Variants in ADAM12 observed in about 807,000 individuals in gnomAD.
ADAM12 encodes disintegrin and metalloproteinase domain-containing protein 12.
ADAM12 carries 70 observed loss-of-function variants against 106.4 expected under a neutral mutation model. The observed-to-expected ratio is 0.66, with a 90% CI of 0.54 to 0.80. The LOEUF (loss-of-function observed/expected upper bound fraction) is 0.80, where lower values mean the gene tolerates loss of function less well. Ranked by LOEUF, ADAM12 falls within the 30% of genes least tolerant of loss-of-function variation. ADAM12 has a pLI of 0.00. For missense variants in ADAM12, 1,010 were observed against 1,171.9 expected, an observed-to-expected ratio of 0.86 and a Z score of 2.02; for synonymous variants, 420 against 433.5, an observed-to-expected ratio of 0.97 and a Z score of 0.39.
chr10:126,031,001 G>A (rs1234907412), intron 21 of ADAM12, among the ~76,000 whole-genome samples: 3 of 152,200 alleles, frequency 2.0e-5, no homozygotes, highest in Admixed American at 2.0e-4. Context: ...CCTGGGATCA[G>A]TCTATGCCTT....
chr10:126,024,435 C>A (rs913082686), intron 21 of ADAM12, among the ~76,000 whole-genome samples: 3 of 152,012 alleles, frequency 2.0e-5, no homozygotes, highest in Non-Finnish European at 4.4e-5. Context: ...TAACTTCAAT[C>A]TTTGGGCTAA....
chr10:126,069,488 C>G (rs1015482593), intron 12 of ADAM12, among the ~76,000 whole-genome samples: 1 of 152,216 alleles, frequency 6.6e-6, no homozygotes, highest in African/African-American at 2.4e-5. Context: ...TTGTAATAAT[C>G]AAAGCTACCC....
At chr10:126,124,293 T>G (rs1052279959) in intron 5 of ADAM12, among the ~76,000 whole-genome samples, 35 of 136,050 alleles carry the variant, frequency 2.6e-4, no homozygotes, top group African/African-American at 8.6e-4. Flanking sequence ...TAATTTCGGC[T>G]TTTTTTTTTT....
At chr10:126,209,008 T>G (rs1403899179) in intron 3 of ADAM12, among the ~76,000 whole-genome samples, 1 of 152,216 alleles carries the variant, frequency 6.6e-6, no homozygotes, top group Non-Finnish European at 1.5e-5. Flanking sequence ...TTTTCAGAAT[T>G]AATGAAACTT....
chr10:126,145,710 T>C lies in ADAM12; in HGVS notation c.339+9517A>G, dbSNP rs181453703. The C allele has an allele frequency of 5.3e-5, 8 of 152,346 alleles. No homozygotes were observed. In the Middle Eastern group the frequency reaches 0.01, roughly 194 times the overall value. The allele number at this position is 152,346 out of a possible 1,614,324, so 9.4% of individuals were successfully genotyped here. A position where few individuals can be genotyped will look rare whatever the true frequency, so the allele number is the denominator to read the frequency against. On this transcript the variant is annotated intron_variant, in intron 4 of 22. Transcript: ENST00000448723. ...GGGTATAAAGATAGCAAGAACTGAT[T>C]TTTGGTGAAGATCAAACAACAGAAT...
chr10:126,090,562 T>C (rs1030976667), intron 11 of ADAM12, among the ~76,000 whole-genome samples: 1 of 152,220 alleles, frequency 6.6e-6, no homozygotes, highest in Admixed American at 6.5e-5. Context: ...CCCCAGATAC[T>C]GCTTTTGCCA....
intron 5 of ADAM12, among the ~76,000 whole-genome samples, chr10:126,133,895 C>A (rs937599385): frequency 1.3e-5 from 2 of 152,204 alleles, no homozygotes; most frequent in Non-Finnish European, 2.9e-5. Context: ...TCCTTCCGAA[C>A]CTCCCTGACT....
At position 126,017,183 on chromosome 10, in the gene ADAM12, T is replaced by TA. The variant is rs772863906; in HGVS notation, c.*95dup. ...CTTATAGTAATGATGTTTTAAACATTAAAAAAAATCCTAAAAGTTGGTACA... is the reference window on the plus strand; with the variant it reads ...CTTATAGTAATGATGTTTTAAACATTAAAAAAAAATCCTAAAAGTTGGTACA... On this transcript the variant is annotated 3_prime_UTR_variant, in exon 23 of 23. Coordinates refer to ENST00000448723, the MANE Select transcript of ADAM12 (RefSeq NM_001288973.2). The TA allele has an allele frequency of 2.4e-4, 274 of 1,165,710 alleles. No individual in the cohort carries two copies. The highest frequency in any genetic ancestry group is 3.1e-4 in the Non-Finnish European group (251 of 816,586). 72.2% of individuals were successfully genotyped at this position (1,165,710 alleles called of 1,614,324 possible).
In ADAM12 at chr10:126,330,458, A is replaced by G. The variant is rs754770975; in HGVS notation, c.140T>C (p.Val47Ala). The change falls in exon 2 of 23, where the codon GTT becomes GCT. Residue 47 changes from valine to alanine, a missense_variant. Transcript: ENST00000448723. ...GRADEVVSAS[V>A]GSGDLWIPVK... ...TGGGATCCAGAGGTCCCCACTCCCA[A>G]CAGAGGCACTGACAACTTCATCAGC... The G allele has an allele frequency of 6.8e-6, 11 of 1,613,916 alleles. No individual in the cohort carries two copies. The African/African-American group carries it at 1.3e-4, about 20-fold the overall frequency.
chr10:126,151,465 TG>T (rs1318137556), intron 4 of ADAM12, among the ~76,000 whole-genome samples: 1 of 152,176 alleles, frequency 6.6e-6, no homozygotes, highest in Non-Finnish European at 1.5e-5. Flanking sequence ...GAGTATAATT[TG>T]GTCAGAAGTA....
intron 2 of ADAM12, 125 bp downstream of exon 2, chr10:126,330,287 T>C: frequency 1.2e-6 from 1 of 814,242 alleles, no homozygotes; most frequent in Non-Finnish European, 1.9e-6. Context: ...AAAGCTTCCA[T>C]TCTCTAAGGA....
At chr10:126,298,947 T>C (rs763952340) in intron 2 of ADAM12, among the ~76,000 whole-genome samples, 4 of 152,202 alleles carry the variant, frequency 2.6e-5, no homozygotes, top group Non-Finnish European at 5.9e-5. Context: ...ATAAAGATAT[T>C]TGCAGACAAG....
In ADAM12 at chr10:126,066,759, C is replaced by T. The variant is rs546564831; in HGVS notation, c.1371G>A (p.Pro457=). 5.0e-5 allele frequency: 81 copies of T among 1,614,180 alleles called. No individual in the cohort carries two copies. In the South Asian group the frequency reaches 7.2e-4, roughly 14 times the overall value. ...ACAGCCCATGTGCGCACACAGCGTC[C>T]GGCTTCAGGGTACAGGTGGTGGCAT... ...CCNATTCTLK[P]DAVCAHGLCC... is the part of the protein sequence containing the mutation. The change falls in exon 13 of 23, where the codon CCG becomes CCA. Residue 457 remains proline, a synonymous_variant. Transcript: ENST00000448723. The surrounding 1 kb of genome is among the most constrained non-coding windows in gnomAD (Gnocchi z 5.1).
Position 126,064,700 on chromosome 10 carries a change from C to T in ADAM12, c.1609+106G>A, listed in dbSNP as rs551836588. On this transcript the variant is annotated intron_variant, in intron 14 of 22. Coordinates refer to ENST00000448723, the MANE Select transcript of ADAM12 (RefSeq NM_001288973.2). The surrounding 1 kb of genome is among the most constrained non-coding windows in gnomAD (Gnocchi z 4.4). ...AACACACCGGATGCTGTGTGGACAG[C>T]GCCCGCCAGGAGTGGGGGCTAACCA... 52 of 1,218,230 alleles carry T rather than the reference C, an allele frequency of 4.3e-5. No individual in the cohort carries two copies. Among genetic ancestry groups the T allele is most frequent in the East Asian group, 1.0e-4 (4 of 39,138 alleles). 75.5% of individuals were successfully genotyped at this position (1,218,230 alleles called of 1,614,324 possible). A position where few individuals can be genotyped will look rare whatever the true frequency, so the allele number is the denominator to read the frequency against.
In ADAM12 at chr10:126,071,496, C is replaced by T. The variant is rs937312186; in HGVS notation, c.1304G>A (p.Cys435Tyr). 1 of 1,614,104 alleles carries T rather than the reference C, an allele frequency of 6.2e-7. No homozygotes were observed. Reference protein sequence around the residue: ...GNRFVEEGEECDCGEPEECMN... With the variant: ...GNRFVEEGEEYDCGEPEECMN... ...TCTTACCTCTGGCTCCCCACAGTCACACTCCTCTCCTTCTTCCACAAATCT... is the reference window on the plus strand; with the variant it reads ...TCTTACCTCTGGCTCCCCACAGTCATACTCCTCTCCTTCTTCCACAAATCT... The change falls in exon 12 of 23, where the codon TGT becomes TAT. Residue 435 changes from cysteine to tyrosine, a missense_variant. Physicochemically the swap from Cys to Tyr is radical, Grantham distance 194 (BLOSUM62 -2). This residue lies in a region of ADAM12 where 615 missense variants were observed against 708.5 expected (regional missense o/e 0.87). Transcript: ENST00000448723.
At chr10:126,072,623 C>T (rs1297101283) in intron 11 of ADAM12, among the ~76,000 whole-genome samples, 3 of 152,142 alleles carry the variant, frequency 2.0e-5, no homozygotes, top group African/African-American at 7.2e-5. Context: ...AAGGAAAACA[C>T]GCTTCTAATA....
chr10:126,022,342 G>A (rs926158851), intron 21 of ADAM12, among the ~76,000 whole-genome samples: 1 of 152,208 alleles, frequency 6.6e-6, no homozygotes, highest in African/African-American at 2.4e-5. Flanking sequence ...CTGGGGATCA[G>A]CGCAGGCACC....
rs144953293 is a variant in ADAM12 at position 126,233,405 on chromosome 10, G to C, written c.260+45510C>G. 1.4e-3 allele frequency among the ~76,000 whole-genome samples: 218 copies of C among 152,278 alleles called. 2 individuals carry two copies. The highest frequency in any genetic ancestry group is 2.3e-3 in the Non-Finnish European group (155 of 68,018). ...AGTCAGCCTCAGACAAGGTCCTGCTGGGGGAGGAGGGTGTGCAAGTAGCAG... is the reference window on the plus strand; with the variant it reads ...AGTCAGCCTCAGACAAGGTCCTGCTCGGGGAGGAGGGTGTGCAAGTAGCAG... On this transcript the variant is annotated intron_variant, in intron 3 of 22. Transcript: ENST00000448723.
At chr10:126,071,449 G>A in intron 12 of ADAM12, 28 bp downstream of exon 12, 4 of 1,610,592 alleles carry the variant, frequency 2.5e-6, no homozygotes, top group Non-Finnish European at 3.4e-6. Flanking sequence ...AAGTCTTCTT[G>A]TATCCTTGTT....
Sources: allele counts gnomAD v4.1 joint callset (sites outside exome capture counted in the v4.1 genomes callset), GRCh38; gene constraint gnomAD v4.1.1; regional missense constraint gnomAD v4.1.1; non-coding constraint Gnocchi (gnomAD v3.1); transcripts MANE v1.5; gene names NCBI Gene and HGNC (gene_info 2026-07-23, HGNC 2026-07-21).